Variants in ATP2B1 observed in about 807,000 individuals in gnomAD.
ATP2B1 encodes the protein plasma membrane calcium-transporting ATPase 1.
In ATP2B1, 14 loss-of-function variants were observed where a neutral mutation model predicts 124.2. The ratio of observed to expected loss-of-function variants is 0.11; its 90% confidence interval spans 0.07 to 0.18. The LOEUF is 0.18. Among genes scored for constraint, ATP2B1 ranks in the 10% least tolerant of loss-of-function variants. The pLI, the probability that ATP2B1 is intolerant of heterozygous loss-of-function variation, is 1.00. For synonymous variants in ATP2B1, 449 were observed against 492.4 expected (o/e 0.91, Z 1.17); for missense variants, 763 against 1,466.1 (o/e 0.52, Z 7.83).
rs7136259 is a variant in ATP2B1 at position 89,687,411 on chromosome 12, T to A, written c.-222+21185A>T. 4.6e-5 allele frequency among the ~76,000 whole-genome samples: 7 copies of A among 152,014 alleles called. No individual in the cohort carries two copies. In the East Asian group the frequency reaches 1.4e-3, roughly 29 times the overall value. ...GGTTTGTGTAGTACACTGTGTGAAT[T>A]TGCACAATAACGAAATTGCAACGCA... On this transcript the variant is annotated intron_variant, in intron 1 of 20. Transcript: ENST00000428670.
chr12:89,673,523 G>A (rs756816934), intron 1 of ATP2B1, among the ~76,000 whole-genome samples: 11 of 151,914 alleles, frequency 7.2e-5, no homozygotes, highest in Non-Finnish European at 1.3e-4. Flanking sequence ...AGATCTGGTC[G>A]TATATAACAG....
chr12:89,614,354 CA>C (rs1878575205), intron 12 of ATP2B1, among the ~76,000 whole-genome samples: 1 of 152,056 alleles, frequency 6.6e-6, no homozygotes, highest in South Asian at 2.1e-4. Flanking sequence ...AAAACAAAAA[CA>C]AGACAAAATA....
chr12:89,620,941 A>G (rs564338970), intron 10 of ATP2B1, among the ~76,000 whole-genome samples: 1 of 152,280 alleles, frequency 6.6e-6, no homozygotes, highest in Non-Finnish European at 1.5e-5. Flanking sequence ...TATTTTTGTT[A>G]ATGATTTTCA....
At chr12:89,691,150 T>C (rs2136730466) in intron 1 of ATP2B1, among the ~76,000 whole-genome samples, 1 of 152,220 alleles carries the variant, frequency 6.6e-6, no homozygotes, top group South Asian at 2.1e-4. Flanking sequence ...CATTTGGGCA[T>C]GTAAACTGAT....
chr12:89,642,340 G>C lies in ATP2B1; in HGVS notation c.224C>G (p.Pro75Arg), dbSNP rs922044331. 3 of 1,612,336 alleles carry C rather than the reference G, an allele frequency of 1.9e-6. No individual in the cohort carries two copies. Among genetic ancestry groups the C allele is most frequent in the Non-Finnish European group, 2.5e-6 (3 of 1,179,676 alleles). ...TGCTTCTCTTCTTTCTAAATCTGCAGGGTTTCCACTTAAACCTAATAAAAA... is the reference window on the plus strand; with the variant it reads ...TGCTTCTCTTCTTTCTAAATCTGCACGGTTTCCACTTAAACCTAATAAAAA... ...TSPNEGLSGN[P>R]ADLERREAVF... The change falls in exon 3 of 21, where the codon CCT (proline) becomes CGT (arginine). Residue 75 changes from proline to arginine, a missense_variant. Pro to Arg is a moderately radical substitution (Grantham distance 103). Coordinates refer to ENST00000428670, the MANE Select transcript of ATP2B1 (RefSeq NM_001366521.1).
At chr12:89,602,972 T>C (rs1218427368) in intron 18 of ATP2B1, 71 bp downstream of exon 18, 2 of 1,354,204 alleles carry the variant, frequency 1.5e-6, no homozygotes, top group Admixed American at 3.6e-5. Context: ...AAGTGATTGC[T>C]AGAACAAGCT....
intron 1 of ATP2B1, among the ~76,000 whole-genome samples, chr12:89,673,130 G>A (rs755605741): frequency 6.6e-6 from 1 of 152,298 alleles, no homozygotes; most frequent in Admixed American, 6.5e-5. Context: ...AGCTGGAGAA[G>A]CTATCTCATA....
intron 1 of ATP2B1, among the ~76,000 whole-genome samples, chr12:89,667,953 C>T (rs186171219): frequency 5.1e-4 from 78 of 152,264 alleles, no homozygotes; most frequent in Admixed American, 5.2e-4. Context: ...TTAAGTGCTA[C>T]AGAGAACATC....
intron 8 of ATP2B1, among the ~76,000 whole-genome samples, chr12:89,624,791 G>C (rs568922818): frequency 6.6e-6 from 1 of 151,784 alleles, no homozygotes; most frequent in Admixed American, 6.6e-5. Context: ...TCATCAATGG[G>C]GAGACCTCGA....
At position 89,601,377 on chromosome 12, in the gene ATP2B1, T is replaced by C. The variant is rs750736084; in HGVS notation, c.3117A>G (p.Glu1039=). The C allele has an allele frequency of 2.8e-5, 44 of 1,577,838 alleles. 1 individual carries two copies. The South Asian group carries it at 4.8e-4, about 17-fold the overall frequency. Residue 1039 remains glutamate (E), a synonymous_variant, in exon 19 of 21, where the codon GAA becomes GAG. Transcript: ENST00000428670. ...CTAGGAATATTGACCATAGCCACTG[T>C]TCTATTGAAAGTTCTGAACAACTGA... ...KPFSCSELSI[E]QWLWSIFLGM... is the part of the protein sequence containing the mutation.
At chr12:89,661,174 T>A (rs530592237) in intron 1 of ATP2B1, among the ~76,000 whole-genome samples, 2 of 152,318 alleles carry the variant, frequency 1.3e-5, no homozygotes, top group South Asian at 2.1e-4. Context: ...TAAATTAATA[T>A]CAACTTTGAC....
At chr12:89,694,182 CATAT>C (rs773271608) in intron 1 of ATP2B1, among the ~76,000 whole-genome samples, 2 of 152,242 alleles carry the variant, frequency 1.3e-5, no homozygotes, top group South Asian at 4.1e-4. Context: ...TGTTCAAATA[CATAT>C]ATATAGAGAA....
chr12:89,613,293 T>C (rs532919042), intron 12 of ATP2B1, among the ~76,000 whole-genome samples: 1 of 152,322 alleles, frequency 6.6e-6, no homozygotes, highest in Non-Finnish European at 1.5e-5. Context: ...GGGTACCATG[T>C]TTTAAAACAT....
chr12:89,688,067 T>C (rs576793930), intron 1 of ATP2B1, among the ~76,000 whole-genome samples: 1 of 152,058 alleles, frequency 6.6e-6, no homozygotes, highest in South Asian at 2.1e-4. Flanking sequence ...AATCCAGAGC[T>C]CCTATGTAAG....
chr12:89,591,484 C>A (rs1238184518), intron 20 of ATP2B1, among the ~76,000 whole-genome samples, 189 bp from the exon 21 acceptor site: 2 of 151,650 alleles, frequency 1.3e-5, no homozygotes, highest in African/African-American at 4.8e-5. Context: ...AACAAAACCA[C>A]ATACTCTAAG....
chr12:89,677,038 CAAACAAAG>C (rs766680977), intron 1 of ATP2B1, among the ~76,000 whole-genome samples: 2 of 96,222 alleles, frequency 2.1e-5, no homozygotes, highest in South Asian at 3.0e-4. Flanking sequence ...CCACCACCAC[CAAACAAAG>C]AAACAAACAA....
Position 89,590,790 on chromosome 12 carries a change from C to G in ATP2B1, c.*194G>C, listed in dbSNP as rs186661759. The G allele has an allele frequency of 7.7e-5, 46 of 595,418 alleles. No individual in the cohort carries two copies. The highest frequency in any genetic ancestry group is 4.2e-4 in the Admixed American group (13 of 31,254). The allele number at this position is 595,418 out of a possible 1,614,324, so 36.9% of individuals were successfully genotyped here. On this transcript the variant is annotated 3_prime_UTR_variant, in exon 21 of 21. Transcript: ENST00000428670. ...TCTGTCAGTTCATTTCTCCCACCCCCCAAAAAGCACCCTCAGTCTGGCAGA... is the reference window on the plus strand; with the variant it reads ...TCTGTCAGTTCATTTCTCCCACCCCGCAAAAAGCACCCTCAGTCTGGCAGA...
At chr12:89,699,257 A>T (rs552923354) in intron 1 of ATP2B1, among the ~76,000 whole-genome samples, 1 of 152,232 alleles carries the variant, frequency 6.6e-6, no homozygotes, top group East Asian at 1.9e-4. Context: ...TGGCTTTTTT[A>T]AAAAAGAATT....
chr12:89,679,668 A>C (rs545336118), intron 1 of ATP2B1, among the ~76,000 whole-genome samples: 23 of 152,300 alleles, frequency 1.5e-4, no homozygotes, highest in Non-Finnish European at 1.5e-5. Context: ...TGGCCAATGC[A>C]AATCTGAGGG....
Sources: allele counts gnomAD v4.1 joint callset (sites outside exome capture counted in the v4.1 genomes callset), GRCh38; gene constraint gnomAD v4.1.1; transcripts MANE v1.5; gene names NCBI Gene and HGNC (gene_info 2026-07-23, HGNC 2026-07-21).